Variants in ALDH1L1 observed in about 807,000 individuals in gnomAD.
ALDH1L1 encodes cytosolic 10-formyltetrahydrofolate dehydrogenase.
ALDH1L1 carries 68 observed loss-of-function variants against 101.1 expected under a neutral mutation model. The observed-to-expected ratio is 0.67, with a 90% confidence interval of 0.55 to 0.82. The LOEUF (loss-of-function observed/expected upper bound fraction) is 0.82. Ranked by LOEUF, ALDH1L1 falls within the 40% of genes least tolerant of loss-of-function variation. ALDH1L1 has a pLI of 0.00. For missense variants in ALDH1L1, 1,087 were observed against 1,172.7 expected, an observed-to-expected ratio of 0.93 and a Z score of 1.07; for synonymous variants, 486 against 470.8, an observed-to-expected ratio of 1.03 and a Z score of -0.42.
intron 8 of ALDH1L1, 131 bp downstream of exon 8, chr3:126,150,275 A>C (rs2080781944): frequency 2.8e-6 from 4 of 1,403,992 alleles, no homozygotes; most frequent in Non-Finnish European, 3.8e-6. Context: ...TAGAACCAAC[A>C]CTGCACCTGG....
rs1172447788 is a variant in ALDH1L1, at chr3:126,130,241, G to A, written c.1676C>T (p.Thr559Ile). The change falls in exon 14 of 23, where the codon ACC becomes ATC. Residue 559 changes from threonine (T) to isoleucine (I), a missense_variant. Physicochemically the swap from Thr to Ile is moderately conservative, Grantham distance 89. Around this residue, in one of 2 missense-constraint regions of ALDH1L1, gnomAD observed 442 missense variants for 535.7 expected, o/e 0.83. Coordinates refer to ENST00000393434, the MANE Select transcript of ALDH1L1 (RefSeq NM_012190.4). ...AACTCACCCAACAGGCTCCTTCCTG[G>A]TCAAGGTCAGGTTGCGGTTGGGTCT... is the stretch of plus-strand genomic sequence containing the variant. ...QARPNRNLTL[T>I]RKEPVGVCGI... 6.2e-7 allele frequency: 1 copy of A among 1,610,000 alleles called. No homozygotes were observed. The highest frequency in any genetic ancestry group is 2.2e-5 in the East Asian group (1 of 44,498).
At chr3:126,153,146 T>C (rs1023589604) in intron 7 of ALDH1L1, 1 of 446,248 alleles carries the variant, frequency 2.2e-6, no homozygotes, top group Non-Finnish European at 4.2e-6. Context: ...GGAGGGCTTC[T>C]CTCTGATTCT....
intron 1 of ALDH1L1, among the ~76,000 whole-genome samples, chr3:126,187,730 C>A (rs367797868): frequency 1.3e-5 from 2 of 151,814 alleles, no homozygotes; most frequent in African/African-American, 2.4e-5. Flanking sequence ...CTGAGCTGGA[C>A]GAGGAAAATG....
At chr3:126,127,195 C>G (rs1043995354) in intron 14 of ALDH1L1, among the ~76,000 whole-genome samples, 3 of 152,300 alleles carry the variant, frequency 2.0e-5, no homozygotes, top group Admixed American at 6.5e-5. Flanking sequence ...AAGGCCGAGC[C>G]CCGGGACTGG....
At chr3:126,143,760 T>C (rs1262243124) in intron 9 of ALDH1L1, among the ~76,000 whole-genome samples, 2 of 151,960 alleles carry the variant, frequency 1.3e-5, no homozygotes, top group Non-Finnish European at 2.9e-5. Flanking sequence ...CCGGGCAACA[T>C]AGCAAGACTT....
At chr3:126,145,757 C>T (rs570639446) in intron 9 of ALDH1L1, among the ~76,000 whole-genome samples, 9 of 152,330 alleles carry the variant, frequency 5.9e-5, no homozygotes, top group African/African-American at 2.2e-4. Context: ...CTGACCAACA[C>T]TGTGCTCATA....
chr3:126,167,811 C>T (rs1330714526), intron 1 of ALDH1L1, among the ~76,000 whole-genome samples: 1 of 152,114 alleles, frequency 6.6e-6, no homozygotes, highest in Non-Finnish European at 1.5e-5. Context: ...TACCTAAGCA[C>T]TCACCTTGCG....
chr3:126,160,668 T>C (rs1193139556), intron 2 of ALDH1L1, among the ~76,000 whole-genome samples, 185 bp downstream of exon 2: 1 of 152,216 alleles, frequency 6.6e-6, no homozygotes, highest in Non-Finnish European at 1.5e-5. Context: ...CTCCAATTTA[T>C]TCCAGAAAAG....
At chr3:126,154,328 C>G (rs1426878090) in intron 6 of ALDH1L1, among the ~76,000 whole-genome samples, 3 of 152,198 alleles carry the variant, frequency 2.0e-5, no homozygotes, top group Non-Finnish European at 2.9e-5. Context: ...ACTACAAGGG[C>G]CTGGAGGCCT....
chr3:126,168,522 T>C (rs1231617184), intron 1 of ALDH1L1, among the ~76,000 whole-genome samples: 7 of 152,138 alleles, frequency 4.6e-5, no homozygotes, highest in Admixed American at 4.6e-4. Context: ...TGTTATCTCA[T>C]CATTTTAGCA....
chr3:126,185,393 A>T (rs1031468860), upstream of ALDH1L1, among the ~76,000 whole-genome samples: 8 of 152,226 alleles, frequency 5.3e-5, no homozygotes, highest in Non-Finnish European at 8.8e-5. Context: ...TATGGGGGAG[A>T]TGAATGCACA....
intron 15 of ALDH1L1, 99 bp downstream of exon 15, chr3:126,125,517 C>T (rs921721831): frequency 6.4e-6 from 6 of 941,070 alleles, no homozygotes; most frequent in Non-Finnish European, 8.8e-6. Flanking sequence ...TTCCAGTGCC[C>T]GTGTGGCCAA....
At chr3:126,137,376 A>G (rs912901467) in intron 10 of ALDH1L1, among the ~76,000 whole-genome samples, 2 of 152,270 alleles carry the variant, frequency 1.3e-5, no homozygotes, top group Non-Finnish European at 2.9e-5. Flanking sequence ...TACCAGCCAA[A>G]CAAACTATGC....
intron 19 of ALDH1L1, among the ~76,000 whole-genome samples, chr3:126,111,833 T>TG (rs1305237385): frequency 1.3e-5 from 2 of 152,078 alleles, no homozygotes; most frequent in South Asian, 2.1e-4. Flanking sequence ...CTAGGGGCGG[T>TG]GGGGGGCGGT....
chr3:126,196,615 G>A (rs1330364460), intron 1 of ALDH1L1, among the ~76,000 whole-genome samples: 5 of 152,122 alleles, frequency 3.3e-5, no homozygotes, highest in Admixed American at 1.3e-4. Context: ...AACCAACAAA[G>A]CTCAACTAAG....
At chr3:126,128,501 C>T (rs1384620558) in intron 14 of ALDH1L1, 1 of 152,296 alleles carries the variant, frequency 6.6e-6, no homozygotes, top group Non-Finnish European at 1.5e-5. Flanking sequence ...TGGGTTCCGG[C>T]TCCAGAACAT....
Position 126,121,802 on chromosome 3 carries a change from G to A in ALDH1L1, c.1888+2562C>T, listed in dbSNP as rs79909157. Among the ~76,000 whole-genome samples the A allele has an allele frequency of 9.1e-3, 1,383 of 152,334 alleles. 16 individuals are homozygous for A. Among genetic ancestry groups the A allele is most frequent in the African/African-American group, 0.03 (1,242 of 41,572 alleles). ...AGGCAGGTGTGGCCAGGAAGGCAGC[G>A]CTTCTTTCCTTCTCAGCTCCCAGCG... On this transcript the variant is annotated intron_variant, in intron 16 of 22. Transcript: ENST00000393434.
At position 126,194,859 on chromosome 3, in the gene ALDH1L1, T is replaced by C. The variant is rs561584418; in HGVS notation, c.-24+2876A>G. ...CTATTTTTTAGTAGTTTTAATTATA[T>C]GTTACAATGGTAACTTTTAGCAACT... On this transcript the variant is annotated intron_variant, in intron 1 of 2. Transcript: ENST00000509952. Among the ~76,000 whole-genome samples, 3 of 152,312 alleles carry C rather than the reference T, an allele frequency of 2.0e-5. No homozygotes were observed. In the East Asian group the frequency reaches 5.8e-4, roughly 29 times the overall value.
At chr3:126,122,153 T>G (rs1369024716) in intron 16 of ALDH1L1, among the ~76,000 whole-genome samples, 1 of 152,200 alleles carries the variant, frequency 6.6e-6, no homozygotes, top group Admixed American at 6.5e-5. Flanking sequence ...AGATCATCTG[T>G]TGTTAGCAGA....
Sources: gnomAD v4.1 joint callset for allele counts (sites outside exome capture counted in the v4.1 genomes callset) on GRCh38, gnomAD v4.1.1 for gene constraint, gnomAD v4.1.1 regional missense constraint, MANE v1.5 for transcripts, NCBI Gene and HGNC (gene_info 2026-07-23, HGNC 2026-07-21) for gene names.